TATDN1: variants seen among roughly 807,000 people sequenced by gnomAD.
The protein encoded by TATDN1 is TatD DNase domain containing 1.
A neutral mutation model predicts 46.4 loss-of-function variants in TATDN1; 40 were observed. The ratio of observed to expected loss-of-function variants is 0.86; its 90% CI spans 0.67 to 1.12. The LOEUF is 1.12. Among genes scored for constraint, TATDN1 ranks in the 50% most tolerant of loss-of-function variants. The pLI is 0.00. For synonymous variants in TATDN1, 95 were observed against 105.6 expected (o/e 0.90, Z 0.62); for missense variants, 326 against 348.4 (o/e 0.94, Z 0.51).
chr8:124,499,032 C>T (rs1817724062), intron 9 of TATDN1, among the ~76,000 whole-genome samples: 1 of 149,922 alleles, frequency 6.7e-6, no homozygotes. Flanking sequence ...GCTCTAGCTA[C>T]TGAGGATGCT....
chr8:124,510,333 C>T (rs1818899442), intron 6 of TATDN1, among the ~76,000 whole-genome samples: 1 of 152,138 alleles, frequency 6.6e-6, no homozygotes, highest in Admixed American at 6.5e-5. Context: ...GTCAACTTTA[C>T]TAATATATTT....
At chr8:124,521,201 C>T (rs138422997) in intron 3 of TATDN1, among the ~76,000 whole-genome samples, 82 of 152,154 alleles carry the variant, frequency 5.4e-4, no homozygotes, top group Non-Finnish European at 8.4e-4. Context: ...CTGGATACCA[C>T]GTTTGTTATG....
Position 124,518,131 on chromosome 8 carries a change from G to C in TATDN1, c.202+687C>G, listed in dbSNP as rs191062393. Among the ~76,000 whole-genome samples, 351 of 140,338 alleles carry C rather than the reference G, an allele frequency of 2.5e-3. 9 individuals carry two copies. The highest frequency in any genetic ancestry group is 1.6e-3 in the Non-Finnish European group (105 of 65,824). 92.1% of individuals were successfully genotyped at this position (140,338 alleles called of 152,430 possible). A position where few individuals can be genotyped will look rare whatever the true frequency, so the allele number is the denominator to read the frequency against. ...GGAGGCTGAGGCAGGAGAATGGCAT[G>C]AACCAGGGAGGTGGCGCGCGCAGTG... is the stretch of plus-strand genomic sequence containing the variant. On this transcript the variant is annotated intron_variant, in intron 4 of 11. Coordinates refer to ENST00000276692, the MANE Select transcript of TATDN1 (RefSeq NM_032026.4).
chr8:124,488,568 G>C lies in TATDN1; in HGVS notation c.*26C>G, dbSNP rs765775569. On this transcript the variant is annotated 3_prime_UTR_variant, in exon 12 of 12. Transcript: ENST00000276692. The stretch of plus-strand genomic sequence containing the variant: ...TTTTACTATGAAATTTTACATACAT[G>C]ATGGAAAGTGGAAGACATATACCAA... 2.5e-6 allele frequency: 3 copies of C among 1,181,684 alleles called. No individual in the cohort carries two copies. In the South Asian group the frequency reaches 4.1e-5, roughly 16 times the overall value. The allele number at this position is 1,181,684 out of a possible 1,614,324, so 73.2% of individuals were successfully genotyped here. A position where few individuals can be genotyped will look rare whatever the true frequency, so the allele number is the denominator to read the frequency against.
intron 9 of TATDN1, 101 bp from the exon 10 acceptor site, chr8:124,495,643 CTA>C: frequency 1.2e-6 from 1 of 815,086 alleles, no homozygotes; most frequent in South Asian, 1.7e-5. Flanking sequence ...ACCCAAAACC[CTA>C]TAACACTTTG....
intron 4 of TATDN1, among the ~76,000 whole-genome samples, 172 bp from the exon 5 acceptor site, chr8:124,516,202 T>C (rs1352220838): frequency 6.6e-6 from 1 of 152,180 alleles, no homozygotes; most frequent in Non-Finnish European, 1.5e-5. Flanking sequence ...TTAGAATACC[T>C]AAACAAAGTA....
intron 1 of TATDN1, among the ~76,000 whole-genome samples, chr8:124,525,181 T>G (rs1025484829): frequency 1.4e-4 from 21 of 152,142 alleles, no homozygotes; most frequent in Non-Finnish European, 2.2e-4. Context: ...AGTCTCACCC[T>G]ATCGCCCAGG....
rs536217066 is a variant in TATDN1, at chr8:124,534,276, T to C, written c.22+4749A>G. On this transcript the variant is annotated intron_variant, in intron 1 of 11. Transcript: ENST00000276692. ...CTAAGAATGACTTTACATTTTTAAA[T>C]AGTTGAAGAAAATCAAAAGAATATT... is the stretch of plus-strand genomic sequence containing the variant. Among the ~76,000 whole-genome samples the C allele has an allele frequency of 1.3e-4, 20 of 150,518 alleles. No homozygotes were observed. The South Asian group carries it at 4.0e-3, about 30-fold the overall frequency.
At position 124,488,711 on chromosome 8, in the gene TATDN1, A is replaced by G. The variant is rs746093933; in HGVS notation, c.792-15T>C. 3.4e-6 allele frequency: 5 copies of G among 1,467,182 alleles called. 1 individual carries two copies. Among genetic ancestry groups the G allele is most frequent in the Middle Eastern group, 3.5e-4 (2 of 5,774 alleles). 90.9% of individuals were successfully genotyped at this position (1,467,182 alleles called of 1,614,324 possible). A position where few individuals can be genotyped will look rare whatever the true frequency, so the allele number is the denominator to read the frequency against. The stretch of plus-strand genomic sequence containing the variant: ...CCAATATTTGACTAAAACAAAACAA[A>G]AACAAAAATGGTTAAATCTCCAAGT... On this transcript the variant is annotated splice_polypyrimidine_tract_variant and intron_variant, in intron 11 of 11. Transcript: ENST00000276692.
intron 1 of TATDN1, among the ~76,000 whole-genome samples, chr8:124,537,960 A>G (rs947910164): frequency 1.5e-4 from 23 of 151,824 alleles, no homozygotes; most frequent in African/African-American, 5.3e-4. Flanking sequence ...AAAAAAAAAT[A>G]CTGCTTAAAT....
At position 124,504,184 on chromosome 8, in the gene TATDN1, A is replaced by G; in HGVS notation, c.593+87T>C. On this transcript the variant is annotated intron_variant, in intron 9 of 11. Transcript: ENST00000276692. ...CAAACACACACAAACTTTAATGAAA[A>G]TAAATCTTCATCAGCAATTCACTGT... 4.0e-6 allele frequency: 4 copies of G among 995,430 alleles called. 1 individual carries two copies. Among genetic ancestry groups the G allele is most frequent in the Middle Eastern group, 2.2e-4 (1 of 4,610 alleles). The allele number at this position is 995,430 out of a possible 1,614,324, so 61.7% of individuals were successfully genotyped here. A position where few individuals can be genotyped will look rare whatever the true frequency, so the allele number is the denominator to read the frequency against.
chr8:124,532,684 C>T (rs1228013351), intron 1 of TATDN1, among the ~76,000 whole-genome samples: 3 of 152,224 alleles, frequency 2.0e-5, no homozygotes, highest in Non-Finnish European at 4.4e-5. Flanking sequence ...TACGTGCTGT[C>T]TGCATAAATA....
At chr8:124,529,378 C>T (rs565729665) in intron 1 of TATDN1, among the ~76,000 whole-genome samples, 2 of 152,318 alleles carry the variant, frequency 1.3e-5, no homozygotes, top group East Asian at 1.9e-4. Context: ...CACCTTCACA[C>T]CCTGCCAACA....
chr8:124,497,056 C>T (rs1429919592), intron 9 of TATDN1, among the ~76,000 whole-genome samples: 2 of 152,172 alleles, frequency 1.3e-5, no homozygotes, highest in Non-Finnish European at 2.9e-5. Flanking sequence ...GGCATACATT[C>T]TAAGTTTGAT....
intron 9 of TATDN1, among the ~76,000 whole-genome samples, chr8:124,501,132 G>A (rs1427587382): frequency 3.3e-5 from 5 of 152,210 alleles, no homozygotes; most frequent in South Asian, 2.1e-4. Context: ...GAGTACAGGC[G>A]TCAGGCACAG....
At chr8:124,518,567 G>A (rs935011672) in intron 4 of TATDN1, among the ~76,000 whole-genome samples, 11 of 151,414 alleles carry the variant, frequency 7.3e-5, no homozygotes, top group Admixed American at 4.6e-4. Context: ...TGTGTACCTG[G>A]AGAACTTTAT....
intron 6 of TATDN1, among the ~76,000 whole-genome samples, chr8:124,513,344 T>A (rs558193539): frequency 6.6e-6 from 1 of 152,364 alleles, no homozygotes; most frequent in South Asian, 2.1e-4. Context: ...CAGTGTCATA[T>A]GCTGTCACCT....
At chr8:124,512,836 C>A (rs930134569) in intron 6 of TATDN1, among the ~76,000 whole-genome samples, 16 of 151,886 alleles carry the variant, frequency 1.1e-4, no homozygotes, top group African/African-American at 3.9e-4. Flanking sequence ...TGAGTATATG[C>A]GAGGGGAAAA....
intron 1 of TATDN1, among the ~76,000 whole-genome samples, chr8:124,532,817 C>T (rs1821084426): frequency 6.6e-6 from 1 of 152,196 alleles, no homozygotes; most frequent in Non-Finnish European, 1.5e-5. Context: ...GAGACCACCA[C>T]ATAGGCTGCA....
Sources: gnomAD v4.1 joint callset for allele counts (sites outside exome capture counted in the v4.1 genomes callset) on GRCh38, gnomAD v4.1.1 for gene constraint, MANE v1.5 for transcripts, NCBI Gene and HGNC (gene_info 2026-07-23, HGNC 2026-07-21) for gene names.